Variants in PITPNM2 observed in about 807,000 individuals in gnomAD.
PITPNM2 encodes membrane-associated phosphatidylinositol transfer protein 2.
A neutral mutation model predicts 132.2 loss-of-function variants in PITPNM2; 35 were observed. The ratio of observed to expected loss-of-function variants is 0.26; its 90% CI spans 0.20 to 0.35. The LOEUF (loss-of-function observed/expected upper bound fraction) is 0.35, where lower values mean the gene tolerates loss of function less well. Among genes scored for constraint, PITPNM2 ranks in the 10% least tolerant of loss-of-function variants. The pLI is 1.00. For missense variants in PITPNM2, 1,332 were observed against 1,912.0 expected (o/e 0.70, Z 5.66); for synonymous variants, 738 against 799.2 (o/e 0.92, Z 1.29).
At chr12:123,135,591 T>C (rs1377311576) in intron 1 of PITPNM2, among the ~76,000 whole-genome samples, 1 of 152,216 alleles carries the variant, frequency 6.6e-6, no homozygotes, top group African/African-American at 2.4e-5. Flanking sequence ...TCTAGGTACC[T>C]TGTATAAGTG....
In PITPNM2 at chr12:123,009,792, C is replaced by G. The variant is rs2039104642; in HGVS notation, c.643+58G>C. 1 of 1,475,146 alleles carries G rather than the reference C, an allele frequency of 6.8e-7. No homozygotes were observed. The highest frequency in any genetic ancestry group is 1.4e-5 in the African/African-American group (1 of 72,164). 91.4% of individuals were successfully genotyped at this position (1,475,146 alleles called of 1,614,324 possible). ...AGAGAGGAGGCAGACAGGCAGGTGA[C>G]AGGAGACAGAGGGGTTGGGTAGCCC... On this transcript the variant is annotated intron_variant, in intron 6 of 25. Coordinates refer to ENST00000320201, the MANE Select transcript of PITPNM2 (RefSeq NM_020845.3). This position sits in a 1 kb window ranked among gnomAD's most constrained non-coding sequence, Gnocchi z 4.8.
intron 2 of PITPNM2, among the ~76,000 whole-genome samples, chr12:123,039,534 T>C (rs2040387304): frequency 6.6e-6 from 1 of 152,136 alleles, no homozygotes; most frequent in South Asian, 2.1e-4. Context: ...GTTGGTTCAT[T>C]AAGTAGGTAG....
intron 2 of PITPNM2, chr12:123,075,620 C>G (rs146263950): frequency 2.0e-5 from 3 of 152,236 alleles, no homozygotes; most frequent in Non-Finnish European, 4.4e-5. Context: ...TTTCCTGGAA[C>G]GAGCTTTCCA....
At chr12:123,037,571 A>G (rs2040316842) in intron 2 of PITPNM2, among the ~76,000 whole-genome samples, 1 of 152,184 alleles carries the variant, frequency 6.6e-6, no homozygotes, top group Non-Finnish European at 1.5e-5. Flanking sequence ...ACATGGTCAG[A>G]CACAGACTCT....
At chr12:123,140,169 C>T (rs1029096879) in intron 1 of PITPNM2, among the ~76,000 whole-genome samples, 1 of 152,170 alleles carries the variant, frequency 6.6e-6, no homozygotes, top group Non-Finnish European at 1.5e-5. Context: ...CTTAGGCCCC[C>T]GGGGAACGCA....
At chr12:123,129,790 C>G (rs2043223197) in intron 1 of PITPNM2, among the ~76,000 whole-genome samples, 1 of 152,038 alleles carries the variant, frequency 6.6e-6, no homozygotes, top group African/African-American at 2.4e-5. Context: ...GCATAGAGTT[C>G]TTGCCTACAG....
chr12:123,141,953 C>G lies in PITPNM2; in HGVS notation c.-200+8800G>C, dbSNP rs113778115. 7.7e-4 allele frequency among the ~76,000 whole-genome samples: 117 copies of G among 152,294 alleles called. 2 individuals are homozygous for G. Among genetic ancestry groups the G allele is most frequent in the African/African-American group, 2.7e-3 (111 of 41,556 alleles). Reference sequence around the variant, plus strand: ...TTTGATTCTAAATTCCTTTATCCCCCCTGCTGGAAAGTCAGACAGAACATT... The same window carrying G: ...TTTGATTCTAAATTCCTTTATCCCCGCTGCTGGAAAGTCAGACAGAACATT... On this transcript the variant is annotated intron_variant, in intron 1 of 25. Coordinates refer to ENST00000320201, the MANE Select transcript of PITPNM2 (RefSeq NM_020845.3).
Position 123,034,533 on chromosome 12 carries a change from C to A in PITPNM2, c.58G>T (p.Ala20Ser). The A allele has an allele frequency of 1.2e-6, 2 of 1,614,162 alleles. No homozygotes were observed. The highest frequency in any genetic ancestry group is 1.7e-6 in the Non-Finnish European group (2 of 1,180,020). The stretch of plus-strand genomic sequence containing the variant: ...CCCACCTGTATCATGTACAGCTGGG[C>A]GATGCGGTACTCCTCCACGGTCATT... The part of the protein sequence containing the change: ...LPMTVEEYRI[A>S]QLYMIQKKSR... The change falls in exon 3 of 26, where the codon GCC (alanine) becomes TCC (serine). Residue 20 changes from alanine (A) to serine (S), a missense_variant. By Grantham distance (99) the Ala-to-Ser change is moderately conservative. Coordinates refer to ENST00000320201, the MANE Select transcript of PITPNM2 (RefSeq NM_020845.3).
chr12:123,070,125 G>A (rs1332422747), intron 2 of PITPNM2, among the ~76,000 whole-genome samples: 1 of 152,168 alleles, frequency 6.6e-6, no homozygotes. Context: ...TACTAGCCTT[G>A]AGCCTGGGGC....
intron 2 of PITPNM2, among the ~76,000 whole-genome samples, chr12:123,037,306 A>G (rs2136489407): frequency 6.6e-6 from 1 of 152,306 alleles, no homozygotes; most frequent in Middle Eastern, 3.4e-3. Context: ...GGGAAGTTGG[A>G]GGAAATTAGG....
At position 122,995,573 on chromosome 12, in the gene PITPNM2, TGCTGCCACCACCGCCACC is replaced by T; in HGVS notation, c.1852_1869del (p.Gly618_Ser623del). 6.2e-7 allele frequency: 1 copy of T among 1,607,118 alleles called. No individual in the cohort carries two copies. The highest frequency in any genetic ancestry group is 2.2e-5 in the East Asian group (1 of 44,872). The stretch of plus-strand genomic sequence containing the variant: ...CCACCACTACTGCCACCACCACCAC[TGCTGCCACCACCGCCACC>T]GCCGCCACCGCCACCACCGCAGCAG... On this transcript the variant is annotated inframe_deletion, in exon 14 of 26. Transcript: ENST00000320201.
At chr12:123,093,890 C>T (rs1376438520) in intron 2 of PITPNM2, among the ~76,000 whole-genome samples, 1 of 152,220 alleles carries the variant, frequency 6.6e-6, no homozygotes, top group African/African-American at 2.4e-5. Context: ...CAGAGCCCAA[C>T]ACCACCAGAA....
rs2041694022 is a variant in PITPNM2, at chr12:123,073,862, ATTCC to A, written c.-96+36519_-96+36522del. 2.6e-5 allele frequency among the ~76,000 whole-genome samples: 4 copies of A among 152,080 alleles called. No individual in the cohort carries two copies. In the South Asian group the frequency reaches 8.3e-4, roughly 32 times the overall value. ...GGCTGCCTGCTCCTTCCTCTCTCTA[ATTCC>A]TTCCTTTTCTCTTCTCAGACAACTA... On this transcript the variant is annotated intron_variant, in intron 2 of 25. Transcript: ENST00000320201.
intron 1 of PITPNM2, among the ~76,000 whole-genome samples, chr12:123,110,709 G>A (rs929302904): frequency 1.3e-5 from 2 of 152,130 alleles, no homozygotes; most frequent in Admixed American, 6.5e-5. Flanking sequence ...AACATTGCCC[G>A]GCACCCCTTC....
In PITPNM2 at chr12:123,150,779, T is replaced by C. The variant is rs1593040681; in HGVS notation, c.-226A>G. Among the ~76,000 whole-genome samples the C allele has an allele frequency of 6.7e-6, 1 of 148,790 alleles. No individual in the cohort carries two copies. Among genetic ancestry groups the C allele is most frequent in the Non-Finnish European group, 1.5e-5 (1 of 66,922 alleles). The stretch of plus-strand genomic sequence containing the variant: ...CCGCTCGGCGCGGCCGCGGGCTCTG[T>C]CCTCTTCGGGGCCCCGGCTGGGCCG... On this transcript the variant is annotated 5_prime_UTR_variant, in exon 1 of 26. Coordinates refer to ENST00000320201, the MANE Select transcript of PITPNM2 (RefSeq NM_020845.3). The surrounding 1 kb of genome is among the most constrained non-coding windows in gnomAD (Gnocchi z 6.0).
rs990541858 is a variant in PITPNM2 at position 123,095,187 on chromosome 12, G to A, written c.-96+15198C>T. The stretch of plus-strand genomic sequence containing the variant: ...CTTGGAACGTGGTGAGGGGGCCCAG[G>A]GGAATGGGCTGCTCCCCTGGGGAGT... On this transcript the variant is annotated intron_variant, in intron 2 of 25. Transcript: ENST00000320201. This position sits in a 1 kb window ranked among gnomAD's most constrained non-coding sequence, Gnocchi z 5.0. Among the ~76,000 whole-genome samples the A allele has an allele frequency of 1.3e-5, 2 of 152,178 alleles. No homozygotes were observed. The highest frequency in any genetic ancestry group is 2.9e-5 in the Non-Finnish European group (2 of 68,024).
intron 2 of PITPNM2, among the ~76,000 whole-genome samples, chr12:123,062,604 G>A (rs1299778996): frequency 3.3e-5 from 5 of 152,194 alleles, no homozygotes; most frequent in Non-Finnish European, 7.3e-5. Flanking sequence ...GACAGGTAAA[G>A]CTGCATATCT....
chr12:123,011,447 C>T (rs1033635627), intron 5 of PITPNM2, among the ~76,000 whole-genome samples: 1 of 152,186 alleles, frequency 6.6e-6, no homozygotes, highest in African/African-American at 2.4e-5. Context: ...TCAGAGGGAG[C>T]CTGCAGAGCT....
intron 10 of PITPNM2, 63 bp from the exon 11 acceptor site, chr12:122,997,635 T>C: frequency 6.4e-7 from 1 of 1,568,814 alleles, no homozygotes; most frequent in Non-Finnish European, 8.7e-7. Context: ...GAGGCCCCTC[T>C]GTCACCCTTG....
Sources: allele counts gnomAD v4.1 joint callset (sites outside exome capture counted in the v4.1 genomes callset), GRCh38; gene constraint gnomAD v4.1.1; non-coding constraint Gnocchi (gnomAD v3.1); transcripts MANE v1.5; gene names NCBI Gene and HGNC (gene_info 2026-07-23, HGNC 2026-07-21).